The following EPM2A variants were observed in gnomAD, a reference collection of about 807,000 sequenced individuals.
The protein encoded by EPM2A is EPM2A glucan phosphatase, laforin, also known as laforin.
A neutral mutation model predicts 26.5 loss-of-function variants in EPM2A; 21 were observed. That is an observed-to-expected ratio of 0.79 (90% CI 0.56 to 1.14). The LOEUF (loss-of-function observed/expected upper bound fraction) is 1.14, where lower values mean the gene tolerates loss of function less well. Among genes scored for constraint, EPM2A ranks in the 50% most tolerant of loss-of-function variants. The probability of loss-of-function intolerance (pLI) is 0.00; values close to 1 mark genes in which losing one functional copy is unlikely to be tolerated. For missense variants in EPM2A, 458 were observed against 440.8 expected (o/e 1.04, Z -0.35); for synonymous variants, 217 against 177.6 (o/e 1.22, Z -1.76).
chr6:145,598,373 T>C (rs939429888), intron 2 of EPM2A, among the ~76,000 whole-genome samples: 9 of 152,202 alleles, frequency 5.9e-5, no homozygotes, highest in African/African-American at 2.2e-4. Context: ...GTATGTCTTC[T>C]TTTGAAAAGT....
intron 4 of EPM2A, among the ~76,000 whole-genome samples, chr6:145,422,080 G>T (rs565630474): frequency 0.055 from 7,465 of 135,090 alleles, 221 homozygotes; most frequent in African/African-American, 0.081. Flanking sequence ...TATATATAGA[G>T]AGAGAGAGAG....
chr6:145,418,618 C>T (rs1205411766), intron 4 of EPM2A, among the ~76,000 whole-genome samples: 1 of 152,216 alleles, frequency 6.6e-6, no homozygotes, highest in Non-Finnish European at 1.5e-5. Context: ...TGGGTAACAA[C>T]ACCCTAATCA....
intron 4 of EPM2A, among the ~76,000 whole-genome samples, chr6:145,422,072 TATATAGAG>T (rs1484469602): frequency 5.5e-5 from 7 of 127,136 alleles, no homozygotes; most frequent in African/African-American, 2.0e-4. Context: ...TATATATATA[TATATAGAG>T]AGAGAGAGAG....
chr6:145,453,862 GT>G (rs1210550011), intron 4 of EPM2A, among the ~76,000 whole-genome samples: 3 of 152,090 alleles, frequency 2.0e-5, no homozygotes, highest in African/African-American at 7.2e-5. Context: ...GGAGTATTGT[GT>G]TCTCTTAACT....
At chr6:145,654,802 C>T (rs1778143970) in intron 2 of EPM2A, among the ~76,000 whole-genome samples, 1 of 152,074 alleles carries the variant, frequency 6.6e-6, no homozygotes, top group African/African-American at 2.4e-5. Context: ...TAGTTTGAGT[C>T]CTGTATTTCA....
chr6:145,474,397 A>C (rs757380010), intron 4 of EPM2A, among the ~76,000 whole-genome samples: 112 of 152,160 alleles, frequency 7.4e-4, no homozygotes, highest in Middle Eastern at 3.4e-3. Flanking sequence ...GGGAGGCAGA[A>C]GTGGCAGTGA....
At chr6:145,409,358 T>C (rs756148733) in intron 4 of EPM2A, among the ~76,000 whole-genome samples, 5 of 152,176 alleles carry the variant, frequency 3.3e-5, no homozygotes, top group Admixed American at 1.3e-4. Flanking sequence ...TATTTCTCCA[T>C]ATAGGTAGCC....
intron 1 of EPM2A, among the ~76,000 whole-genome samples, chr6:145,723,364 G>A (rs1212925839): frequency 6.7e-6 from 1 of 148,552 alleles, no homozygotes; most frequent in Non-Finnish European, 1.5e-5. Context: ...TGAAGGAAGA[G>A]AGTTCCAAAA....
At chr6:145,686,355 T>C in intron 1 of EPM2A, 59 bp from the exon 2 acceptor site, 1 of 1,339,932 alleles carries the variant, frequency 7.5e-7, no homozygotes, top group East Asian at 2.3e-5. Flanking sequence ...TTAAATATCC[T>C]CAAAGCAGCT....
At chr6:145,590,808 C>T (rs1322529419) in intron 2 of EPM2A, among the ~76,000 whole-genome samples, 2 of 152,030 alleles carry the variant, frequency 1.3e-5, no homozygotes, top group African/African-American at 2.4e-5. Context: ...ATACATCATG[C>T]TCAGCTTCAA....
chr6:145,403,676 T>C (rs1450946661), intron 4 of EPM2A, among the ~76,000 whole-genome samples: 1 of 152,122 alleles, frequency 6.6e-6, no homozygotes, highest in East Asian at 1.9e-4. Context: ...TTGATGGGCA[T>C]TTAGTGTGCT....
chr6:145,537,854 T>C (rs1047357281), intron 2 of EPM2A, among the ~76,000 whole-genome samples: 1 of 152,044 alleles, frequency 6.6e-6, no homozygotes, highest in Admixed American at 6.6e-5. Flanking sequence ...CATGCAGTGT[T>C]TGGTTTTCTG....
intron 2 of EPM2A, among the ~76,000 whole-genome samples, chr6:145,523,215 T>C (rs1780227314): frequency 6.6e-6 from 1 of 152,212 alleles, no homozygotes; most frequent in African/African-American, 2.4e-5. Context: ...ATTTTCAAAA[T>C]AAATGATTGA....
intron 4 of EPM2A, among the ~76,000 whole-genome samples, chr6:145,394,566 T>C (rs945526324): frequency 2.0e-5 from 3 of 152,162 alleles, no homozygotes; most frequent in Non-Finnish European, 2.9e-5. Context: ...CATTATCCCT[T>C]GTAACACACC....
Position 145,578,914 on chromosome 6 carries a change from G to A in EPM2A, c.340+56331C>T, listed in dbSNP as rs577951280. Among the ~76,000 whole-genome samples, 55 of 151,632 alleles carry A rather than the reference G, an allele frequency of 3.6e-4. 1 individual carries two copies. The South Asian group carries it at 7.7e-3, about 21-fold the overall frequency. ...AAAAAATAATTTGCTCATATCCTTC[G>A]CCCACATGTTCTCACTCATAGGTGG... On this transcript the variant is annotated intron_variant, in intron 2 of 3. Transcript: ENST00000450221.
At chr6:145,675,123 C>A (rs534800280) in intron 2 of EPM2A, among the ~76,000 whole-genome samples, 8 of 152,256 alleles carry the variant, frequency 5.3e-5, no homozygotes, top group South Asian at 4.2e-4. Flanking sequence ...AGAGTGGGGG[C>A]CAATATTCAA....
intron 2 of EPM2A, among the ~76,000 whole-genome samples, chr6:145,577,147 A>C (rs62438228): frequency 0.017 from 2,567 of 152,082 alleles, 30 homozygotes; most frequent in Middle Eastern, 0.037. Context: ...TCAGAAAACA[A>C]ATAACAAAAT....
At chr6:145,433,158 A>C (rs183190459) in intron 4 of EPM2A, among the ~76,000 whole-genome samples, 1 of 152,290 alleles carries the variant, frequency 6.6e-6, no homozygotes, top group East Asian at 1.9e-4. Context: ...CAGATGTAGC[A>C]TTTTAATTTC....
At chr6:145,700,228 T>C (rs1410637997) in intron 1 of EPM2A, among the ~76,000 whole-genome samples, 1 of 152,170 alleles carries the variant, frequency 6.6e-6, no homozygotes, top group Admixed American at 6.5e-5. Context: ...CTATGTCACA[T>C]GCAGAGATGT....
Sources: allele counts gnomAD v4.1 joint callset (sites outside exome capture counted in the v4.1 genomes callset), GRCh38; gene constraint gnomAD v4.1.1; transcripts MANE v1.5; gene names NCBI Gene and HGNC (gene_info 2026-07-23, HGNC 2026-07-21).